EVL: variants seen among roughly 807,000 people sequenced by gnomAD.
The protein encoded by EVL is Enah/Vasp-like, also known as ena/VASP-like protein.
EVL carries 21 observed loss-of-function variants against 59.6 expected under a neutral mutation model. The ratio of observed to expected loss-of-function variants is 0.35; its 90% CI spans 0.25 to 0.51. The LOEUF is 0.51. Ranked by LOEUF, EVL falls within the 20% of genes least tolerant of loss-of-function variation. EVL has a pLI of 0.97. For missense variants in EVL, 462 were observed against 546.6 expected (o/e 0.85, Z 1.54); for synonymous variants, 198 against 203.5 (o/e 0.97, Z 0.23).
At chr14:100,118,665 G>A (rs1887504309) in intron 3 of EVL, among the ~76,000 whole-genome samples, 1 of 152,142 alleles carries the variant, frequency 6.6e-6, no homozygotes, top group Non-Finnish European at 1.5e-5. Flanking sequence ...TATAGACTCT[G>A]CCCTGAGTCT....
intron 2 of EVL, among the ~76,000 whole-genome samples, chr14:100,089,647 G>A (rs943640414): frequency 3.3e-5 from 5 of 152,332 alleles, no homozygotes; most frequent in East Asian, 3.9e-4. Context: ...TGAGCCAGGC[G>A]CAGTGGCTCA....
In EVL at chr14:100,108,690, C is replaced by A; in HGVS notation, c.358+11032C>A. 6.6e-6 allele frequency among the ~76,000 whole-genome samples: 1 copy of A among 152,086 alleles called. No homozygotes were observed. The highest frequency in any genetic ancestry group is 1.5e-5 in the Non-Finnish European group (1 of 68,014). On this transcript the variant is annotated intron_variant, in intron 3 of 13. Coordinates refer to ENST00000392920, the MANE Select transcript of EVL (RefSeq NM_016337.3). The surrounding 1 kb of genome is among the most constrained non-coding windows in gnomAD (Gnocchi z 4.1). ...CCCTTCTTCCCCTCTCACTTTTCCC[C>A]ACACTTCTAAAATCTCACTCGTCCT... is the stretch of plus-strand genomic sequence containing the variant.
At chr14:99,975,818 ACC>A (rs975272621) in intron 1 of EVL, among the ~76,000 whole-genome samples, 2 of 151,974 alleles carry the variant, frequency 1.3e-5, no homozygotes, top group Non-Finnish European at 2.9e-5. Flanking sequence ...GGGGTTGAGG[ACC>A]CCCATGTTAT....
chr14:99,996,768 C>G (rs2060916732), intron 1 of EVL, among the ~76,000 whole-genome samples: 1 of 152,148 alleles, frequency 6.6e-6, no homozygotes, highest in South Asian at 2.1e-4. Context: ...CCTCTTACCT[C>G]AGCCTCCAGA....
intron 1 of EVL, among the ~76,000 whole-genome samples, chr14:100,046,424 T>TGG (rs2061546375): frequency 6.6e-6 from 1 of 152,128 alleles, no homozygotes; most frequent in African/African-American, 2.4e-5. Flanking sequence ...CCCAACACTT[T>TGG]GGGAGGCCCA....
rs1888166453 is a variant in EVL at position 100,127,693 on chromosome 14, G to T, written c.488-826G>T. 6.6e-6 allele frequency among the ~76,000 whole-genome samples: 1 copy of T among 152,066 alleles called. No homozygotes were observed. The highest frequency in any genetic ancestry group is 2.4e-5 in the African/African-American group (1 of 41,380). On this transcript the variant is annotated intron_variant, in intron 5 of 13. Transcript: ENST00000392920. This position sits in a 1 kb window ranked among gnomAD's most constrained non-coding sequence, Gnocchi z 4.2. The stretch of plus-strand genomic sequence containing the variant: ...CACCTAACTGAACCCCTGCTCTCCG[G>T]TCGTGTCCCAGCTCCACAGTCACTT...
intron 8 of EVL, among the ~76,000 whole-genome samples, chr14:100,134,107 G>A (rs1425312800): frequency 6.6e-6 from 1 of 152,238 alleles, no homozygotes; most frequent in Non-Finnish European, 1.5e-5. Context: ...CTTGGAGGGC[G>A]AGGCCTGGGC....
chr14:100,061,347 A>G (rs1296528894), upstream of EVL, among the ~76,000 whole-genome samples: 1 of 135,972 alleles, frequency 7.4e-6, no homozygotes, highest in Non-Finnish European at 1.6e-5. Context: ...CCTGGGAGGC[A>G]GAGGTTGCAG....
At chr14:100,018,479 C>T (rs2061070345) in intron 1 of EVL, among the ~76,000 whole-genome samples, 2 of 152,288 alleles carry the variant, frequency 1.3e-5, no homozygotes, top group African/African-American at 4.8e-5. Context: ...GTTAGTAATG[C>T]AGGGTTAAAC....
rs1165331126 is a variant in EVL, at chr14:100,130,913, C to T, written c.839+1229C>T. ...GAGCAGTTTCCTGTGAGAGTAAGTCCAGGTGTGTGGGGCTTACAGTGGCCA... is the reference window on the plus strand; with the variant it reads ...GAGCAGTTTCCTGTGAGAGTAAGTCTAGGTGTGTGGGGCTTACAGTGGCCA... On this transcript the variant is annotated intron_variant, in intron 7 of 13. Coordinates refer to ENST00000392920, the MANE Select transcript of EVL (RefSeq NM_016337.3). This position sits in a 1 kb window ranked among gnomAD's most constrained non-coding sequence, Gnocchi z 4.8. 1.3e-5 allele frequency among the ~76,000 whole-genome samples: 2 copies of T among 152,188 alleles called. No homozygotes were observed. Among genetic ancestry groups the T allele is most frequent in the Non-Finnish European group, 2.9e-5 (2 of 68,036 alleles).
At chr14:100,053,971 C>G (rs1336821021) in intron 1 of EVL, among the ~76,000 whole-genome samples, 3 of 150,108 alleles carry the variant, frequency 2.0e-5, no homozygotes, top group African/African-American at 7.4e-5. Context: ...CTTTTTATCA[C>G]AAAAGGAAGT....
chr14:100,138,090 A>C, intron 11 of EVL: 1 of 531,902 alleles, frequency 1.9e-6, no homozygotes, highest in Non-Finnish European at 3.4e-6. Context: ...ACTACGTGTG[A>C]CAGTGGGCAA....
chr14:100,124,099 G>A (rs906753509), intron 4 of EVL, among the ~76,000 whole-genome samples: 7 of 152,214 alleles, frequency 4.6e-5, no homozygotes, highest in African/African-American at 9.6e-5. Flanking sequence ...TTACAGAGTC[G>A]TGGTGAGTCC....
At chr14:99,987,505 G>T (rs1419747958) in intron 1 of EVL, among the ~76,000 whole-genome samples, 1 of 152,182 alleles carries the variant, frequency 6.6e-6, no homozygotes, top group Admixed American at 6.5e-5. Context: ...AGCCTGGCAT[G>T]GTGGCACACG....
chr14:100,064,312 C>T (rs532784468), upstream of EVL, among the ~76,000 whole-genome samples: 1 of 152,270 alleles, frequency 6.6e-6, no homozygotes, highest in Non-Finnish European at 1.5e-5. Flanking sequence ...CAAGTACAGT[C>T]GTTCTCAATT....
At chr14:100,035,366 C>A (rs77703297) in intron 1 of EVL, among the ~76,000 whole-genome samples, 144 of 150,118 alleles carry the variant, frequency 9.6e-4, no homozygotes, top group Non-Finnish European at 1.9e-3. Flanking sequence ...ATGCTGCTCA[C>A]TCCCTCAGAT....
chr14:100,045,223 G>A (rs139700265), intron 1 of EVL, among the ~76,000 whole-genome samples: 180 of 152,286 alleles, frequency 1.2e-3, no homozygotes, highest in South Asian at 4.6e-3. Context: ...TCTGGAAGCT[G>A]GTGCATAACT....
chr14:100,053,570 A>G (rs886767893), intron 1 of EVL, among the ~76,000 whole-genome samples: 1 of 152,218 alleles, frequency 6.6e-6, no homozygotes, highest in Non-Finnish European at 1.5e-5. Flanking sequence ...TTATTTAAAA[A>G]TAGTCATTGA....
At chr14:100,029,627 G>C (rs557882992) in intron 1 of EVL, among the ~76,000 whole-genome samples, 1 of 152,276 alleles carries the variant, frequency 6.6e-6, no homozygotes, top group East Asian at 1.9e-4. Context: ...CAGTTTTGCT[G>C]TATAAAAGTT....
Sources: gnomAD v4.1 joint callset for allele counts (sites outside exome capture counted in the v4.1 genomes callset) on GRCh38, gnomAD v4.1.1 for gene constraint, Gnocchi (gnomAD v3.1) non-coding constraint, MANE v1.5 for transcripts, NCBI Gene and HGNC (gene_info 2026-07-23, HGNC 2026-07-21) for gene names.